ORC5: variants seen among roughly 807,000 people sequenced by gnomAD.
The protein encoded by ORC5 is origin recognition complex subunit 5.
A neutral mutation model predicts 58.8 loss-of-function variants in ORC5; 39 were observed. That is an observed-to-expected ratio of 0.66 (90% CI 0.51 to 0.87). The LOEUF (loss-of-function observed/expected upper bound fraction) is 0.87. Ranked by LOEUF, ORC5 falls within the 40% of genes least tolerant of loss-of-function variation. The pLI is 0.00. For synonymous variants in ORC5, 218 were observed against 177.6 expected (o/e 1.23, Z -1.81); for missense variants, 493 against 506.3 (o/e 0.97, Z 0.25).
At position 104,207,946 on chromosome 7, in the gene ORC5, A is replaced by AGGACC. The variant is rs748792325; in HGVS notation, c.-47_-43dup. On this transcript the variant is annotated 5_prime_UTR_variant, in exon 1 of 14. Coordinates refer to ENST00000297431, the MANE Select transcript of ORC5 (RefSeq NM_002553.4). Reference sequence around the variant, plus strand: ...GCAGAGGCCAGTGCAGCCAGCCCACAGGACCCTTGCACAAGACGGAGCCTC... The same window carrying AGGACC: ...GCAGAGGCCAGTGCAGCCAGCCCACAGGACCGGACCCTTGCACAAGACGGAGCCTC... 6.3e-7 allele frequency: 1 copy of AGGACC among 1,581,744 alleles called. No homozygotes were observed. The highest frequency in any genetic ancestry group is 1.7e-5 in the Admixed American group (1 of 59,888).
At chr7:104,160,723 A>T (rs906704457) in intron 12 of ORC5, among the ~76,000 whole-genome samples, 1 of 152,066 alleles carries the variant, frequency 6.6e-6, no homozygotes, top group Non-Finnish European at 1.5e-5. Flanking sequence ...ACAAAAAAAA[A>T]TTTTTCAATT....
intron 12 of ORC5, among the ~76,000 whole-genome samples, chr7:104,140,803 T>C (rs1269007782): frequency 2.0e-5 from 3 of 152,192 alleles, no homozygotes; most frequent in Non-Finnish European, 4.4e-5. Context: ...AACAAGAGTT[T>C]TTTTCTCTTA....
chr7:104,168,515 C>A lies in ORC5; in HGVS notation c.835G>T (p.Glu279Ter), dbSNP rs181089756. ...YLREISSSQWEKLQKDDTDPG... is the reference protein window; with the variant it reads ...YLREISSSQW ...TCTGTGTCATCTTTCTGTAGCTTTT[C>A]CCACTGGGAACTGAAAAAAAATAGA... Residue 279 changes from glutamate to a stop codon, truncating the protein, a stop_gained, in exon 9 of 14, where the codon GAA becomes TAA. Coordinates refer to ENST00000297431, the MANE Select transcript of ORC5 (RefSeq NM_002553.4). LOFTEE classifies it high-confidence loss of function. The A allele has an allele frequency of 4.5e-6, 7 of 1,563,796 alleles. No individual in the cohort carries two copies. Among genetic ancestry groups the A allele is most frequent in the Non-Finnish European group, 1.7e-6 (2 of 1,157,920 alleles).
intron 11 of ORC5, among the ~76,000 whole-genome samples, chr7:104,161,859 A>T (rs1029991765): frequency 6.6e-6 from 1 of 152,180 alleles, no homozygotes; most frequent in Admixed American, 6.5e-5. Flanking sequence ...ACCAAACCAG[A>T]TTCCTAAGTT....
At chr7:104,194,618 G>A (rs866294889) in intron 5 of ORC5, among the ~76,000 whole-genome samples, 10 of 152,034 alleles carry the variant, frequency 6.6e-5, no homozygotes, top group African/African-American at 2.4e-4. Flanking sequence ...AAGAAAATGA[G>A]ATTTATAAAA....
chr7:104,140,645 T>C (rs1798657394), intron 12 of ORC5, among the ~76,000 whole-genome samples: 1 of 151,926 alleles, frequency 6.6e-6, no homozygotes, highest in African/African-American at 2.4e-5. Flanking sequence ...TGTGACAGAG[T>C]GAAAATGACC....
chr7:104,172,758 G>A (rs1799237460), intron 8 of ORC5, among the ~76,000 whole-genome samples: 1 of 152,126 alleles, frequency 6.6e-6, no homozygotes, highest in African/African-American at 2.4e-5. Flanking sequence ...TTCACATACG[G>A]CAGACAATGG....
At position 104,130,520 on chromosome 7, in the gene ORC5, A is replaced by G. The variant is rs1798496901; in HGVS notation, c.1263-3627T>C. 2.0e-5 allele frequency among the ~76,000 whole-genome samples: 3 copies of G among 152,188 alleles called. No individual in the cohort carries two copies. The South Asian group carries it at 6.2e-4, about 31-fold the overall frequency. On this transcript the variant is annotated intron_variant, in intron 13 of 13. Coordinates refer to ENST00000297431, the MANE Select transcript of ORC5 (RefSeq NM_002553.4). ...CAAAAAGCTCTGCTACTCTGAGATT[A>G]AGACCATTCTGCTCACCATCCCCAT... is the stretch of plus-strand genomic sequence containing the variant.
At chr7:104,171,880 A>C (rs1044515075) in intron 8 of ORC5, among the ~76,000 whole-genome samples, 1 of 151,962 alleles carries the variant, frequency 6.6e-6, no homozygotes, top group East Asian at 1.9e-4. Flanking sequence ...CAAAAAACAA[A>C]ATGTCACTTT....
chr7:104,167,020 A>G, intron 9 of ORC5, 136 bp from the exon 10 acceptor site: 1 of 576,448 alleles, frequency 1.7e-6, no homozygotes. Flanking sequence ...AAAAAGTGTC[A>G]TGATAATGAT....
At chr7:104,132,280 T>C (rs1210431796) in intron 13 of ORC5, among the ~76,000 whole-genome samples, 1 of 152,158 alleles carries the variant, frequency 6.6e-6, no homozygotes, top group Non-Finnish European at 1.5e-5. Context: ...TATGAACTGT[T>C]ACATGCACTT....
intron 8 of ORC5, among the ~76,000 whole-genome samples, chr7:104,169,087 C>A (rs1194655774): frequency 6.6e-6 from 1 of 151,972 alleles, no homozygotes; most frequent in Non-Finnish European, 1.5e-5. Context: ...TTAAAAAAAA[C>A]AACAACAAAC....
At chr7:104,177,653 C>A (rs971993083) in intron 8 of ORC5, among the ~76,000 whole-genome samples, 4 of 152,046 alleles carry the variant, frequency 2.6e-5, no homozygotes, top group South Asian at 2.1e-4. Context: ...ATCTACTGTA[C>A]CTTTCGTCCC....
intron 2 of ORC5, chr7:104,202,612 A>AT (rs1799972363): frequency 2.3e-6 from 1 of 429,450 alleles, no homozygotes; most frequent in South Asian, 1.7e-5. Context: ...CTACAGTGTG[A>AT]TAAAAAATGG....
At chr7:104,202,884 G>A (rs780153907) in intron 2 of ORC5, among the ~76,000 whole-genome samples, 12 of 152,136 alleles carry the variant, frequency 7.9e-5, no homozygotes, top group East Asian at 1.9e-4. Flanking sequence ...AATGTGCTTG[G>A]TGCTGGGGAT....
At chr7:104,173,432 C>CATAT in intron 8 of ORC5, among the ~76,000 whole-genome samples, 1 of 152,294 alleles carries the variant, frequency 6.6e-6, no homozygotes, top group East Asian at 1.9e-4. Context: ...TTTAGGTTGA[C>CATAT]ATATCTGGAG....
At chr7:104,181,952 C>T (rs1222326202) in intron 8 of ORC5, among the ~76,000 whole-genome samples, 2 of 152,020 alleles carry the variant, frequency 1.3e-5, no homozygotes, top group East Asian at 3.9e-4. Flanking sequence ...GTTTTAAAAT[C>T]TATGTGATCA....
At chr7:104,163,367 C>A (rs1047894554) in intron 11 of ORC5, among the ~76,000 whole-genome samples, 1 of 152,188 alleles carries the variant, frequency 6.6e-6, no homozygotes, top group African/African-American at 2.4e-5. Context: ...ACTTCAGAGG[C>A]CACAATGTTT....
At chr7:104,201,638 A>G (rs1222494595) in intron 2 of ORC5, among the ~76,000 whole-genome samples, 3 of 151,810 alleles carry the variant, frequency 2.0e-5, no homozygotes, top group Admixed American at 1.3e-4. Context: ...AAAAAAAAAA[A>G]AAAAAGAAAA....
Sources: gnomAD v4.1 joint callset for allele counts (sites outside exome capture counted in the v4.1 genomes callset) on GRCh38, gnomAD v4.1.1 for gene constraint, MANE v1.5 for transcripts, NCBI Gene and HGNC (gene_info 2026-07-23, HGNC 2026-07-21) for gene names.